The following PPP2R3A variants were observed in gnomAD, a reference collection of about 807,000 sequenced individuals.
PPP2R3A encodes the protein serine/threonine-protein phosphatase 2A regulatory subunit B'' subunit alpha.
Under a neutral mutation model 106.9 loss-of-function variants are expected in PPP2R3A, and 80 were observed. The observed-to-expected ratio is 0.75, with a 90% CI of 0.62 to 0.90. PPP2R3A has a LOEUF of 0.90. Among genes scored for constraint, PPP2R3A ranks in the 40% least tolerant of loss-of-function variants. The pLI is 0.00. For missense variants in PPP2R3A, 1,386 were observed against 1,350.4 expected (o/e 1.03, Z -0.41); for synonymous variants, 483 against 468.3 (o/e 1.03, Z -0.41).
At chr3:136,093,030 C>T (rs887505281) in intron 10 of PPP2R3A, among the ~76,000 whole-genome samples, 43 of 152,272 alleles carry the variant, frequency 2.8e-4, no homozygotes, top group African/African-American at 8.7e-4. Flanking sequence ...TAAATTTTCA[C>T]GACCTTGGCT....
chr3:136,095,242 A>G (rs1937189630), intron 10 of PPP2R3A, among the ~76,000 whole-genome samples: 1 of 152,208 alleles, frequency 6.6e-6, no homozygotes, highest in African/African-American at 2.4e-5. Context: ...AGTTTTTCAC[A>G]TCATGAGATC....
chr3:135,971,074 G>C (rs1337447095), intron 1 of PPP2R3A, among the ~76,000 whole-genome samples: 1 of 152,150 alleles, frequency 6.6e-6, no homozygotes, highest in Non-Finnish European at 1.5e-5. Context: ...ACTTGGCTAT[G>C]TTAGGGAATG....
In PPP2R3A at chr3:136,027,003, A is replaced by C; in HGVS notation, c.2167A>C (p.Ser723Arg). Residue 723 changes from serine to arginine, a missense_variant, in exon 3 of 14, where the codon AGT becomes CGT. By Grantham distance (110) the Ser-to-Arg change is moderately radical. Transcript: ENST00000264977. ...YFPEGLPDTC[S>R]NHEQTLSRIE... is the part of the protein sequence containing the mutation. ...TCCTGAAGGACTCCCAGATACCTGTAGTAATCATGAACAAACTCTAAGCAG... is the reference window on the plus strand; with the variant it reads ...TCCTGAAGGACTCCCAGATACCTGTCGTAATCATGAACAAACTCTAAGCAG... The C allele has an allele frequency of 1.9e-6, 3 of 1,612,490 alleles. No homozygotes were observed. Among genetic ancestry groups the C allele is most frequent in the Non-Finnish European group, 2.5e-6 (3 of 1,178,534 alleles).
chr3:136,014,655 T>A (rs897942471), intron 2 of PPP2R3A, among the ~76,000 whole-genome samples: 7 of 152,212 alleles, frequency 4.6e-5, no homozygotes, highest in African/African-American at 1.4e-4. Flanking sequence ...ATAGCAGTGC[T>A]ACTGATTTGT....
intron 13 of PPP2R3A, among the ~76,000 whole-genome samples, chr3:136,122,261 T>C (rs1049172790): frequency 1.3e-5 from 2 of 152,136 alleles, no homozygotes; most frequent in Non-Finnish European, 2.9e-5. Flanking sequence ...TTTAACGTTA[T>C]GGTGAACTAT....
intron 5 of PPP2R3A, among the ~76,000 whole-genome samples, chr3:136,064,032 G>A (rs1253098270): frequency 2.0e-5 from 3 of 151,568 alleles, no homozygotes; most frequent in Non-Finnish European, 2.9e-5. Flanking sequence ...GTCCAGCAAC[G>A]ATAGACTGGA....
intron 2 of PPP2R3A, among the ~76,000 whole-genome samples, chr3:136,023,669 C>CTTTTTTTAAAGCT (rs1934545902): frequency 6.6e-6 from 1 of 152,032 alleles, no homozygotes; most frequent in Admixed American, 6.6e-5. Context: ...TCCTGGTAAT[C>CTTTTTTTAAAGCT]TTTTTTTAAA....
At chr3:136,014,054 A>G (rs1934188499) in intron 2 of PPP2R3A, among the ~76,000 whole-genome samples, 2 of 152,158 alleles carry the variant, frequency 1.3e-5, no homozygotes, top group South Asian at 4.1e-4. Context: ...ATTCTTCTGC[A>G]TGTGATTTGC....
chr3:136,077,849 TA>T (rs1936646765), intron 6 of PPP2R3A, among the ~76,000 whole-genome samples: 1 of 152,224 alleles, frequency 6.6e-6, no homozygotes, highest in South Asian at 2.1e-4. Flanking sequence ...AGTTAGGATA[TA>T]AATTATCCCA....
chr3:136,070,010 A>G (rs999299467), intron 5 of PPP2R3A, among the ~76,000 whole-genome samples: 2 of 152,254 alleles, frequency 1.3e-5, no homozygotes, highest in African/African-American at 4.8e-5. Flanking sequence ...ACAAAGATTC[A>G]AACTACTTGA....
In PPP2R3A at chr3:136,106,341, G is replaced by A. The variant is rs374907364; in HGVS notation, c.3329+19G>A. ...AGGAAGGGTGAGTAAGTTTCCCTAT[G>A]TCTTATAGAATTTTTAACAGGAATG... is the stretch of plus-strand genomic sequence containing the variant. On this transcript the variant is annotated intron_variant, in intron 13 of 13. Coordinates refer to ENST00000264977, the MANE Select transcript of PPP2R3A (RefSeq NM_002718.5). 8.1e-4 allele frequency: 1,296 copies of A among 1,601,338 alleles called. 12 individuals are homozygous for A. The South Asian group carries it at 0.013, about 16-fold the overall frequency.
intron 2 of PPP2R3A, among the ~76,000 whole-genome samples, chr3:136,008,060 A>G (rs745803584): frequency 2.5e-4 from 38 of 152,358 alleles, no homozygotes; most frequent in African/African-American, 8.9e-4. Context: ...TAGATAGTAT[A>G]GTGTATAGTT....
intron 1 of PPP2R3A, among the ~76,000 whole-genome samples, chr3:135,979,708 C>T (rs371411151): frequency 6.6e-6 from 1 of 151,600 alleles, no homozygotes; most frequent in East Asian, 1.9e-4. Context: ...ATGTCCAAAA[C>T]ATACTGGGCA....
rs953795206 is a variant in PPP2R3A, at chr3:136,146,968, C to T, written c.*1802C>T. On this transcript the variant is annotated 3_prime_UTR_variant, in exon 14 of 14. Transcript: ENST00000264977. ...TAAGATTCACCAAAAAGTAAAAATT[C>T]AATTTTACAATATACATTTTTTTTT... 2 of 151,470 alleles carry T rather than the reference C, an allele frequency of 1.3e-5. No homozygotes were observed. The highest frequency in any genetic ancestry group is 2.9e-5 in the Non-Finnish European group (2 of 67,936). 9.4% of individuals were successfully genotyped at this position (151,470 alleles called of 1,614,324 possible).
chr3:136,063,481 A>C (rs879663824), intron 5 of PPP2R3A, among the ~76,000 whole-genome samples: 25 of 152,364 alleles, frequency 1.6e-4, no homozygotes, highest in Non-Finnish European at 3.1e-4. Flanking sequence ...CAGAGTGAAC[A>C]GGCAACCTAT....
At chr3:136,124,336 C>T (rs934758489) in intron 13 of PPP2R3A, among the ~76,000 whole-genome samples, 9 of 151,930 alleles carry the variant, frequency 5.9e-5, no homozygotes, top group African/African-American at 9.7e-5. Context: ...CAGAATTAGC[C>T]GGGCATGGGG....
At chr3:135,969,610 C>G (rs770614649) in intron 1 of PPP2R3A, among the ~76,000 whole-genome samples, 3 of 152,154 alleles carry the variant, frequency 2.0e-5, no homozygotes, top group Non-Finnish European at 4.4e-5. Context: ...ACTGGAGGCA[C>G]GAATTTTTAG....
intron 9 of PPP2R3A, 31 bp from the exon 10 acceptor site, chr3:136,090,547 A>C (rs1937070571): frequency 1.3e-6 from 2 of 1,562,744 alleles, no homozygotes; most frequent in Admixed American, 1.7e-5. Context: ...GTAATTGCTC[A>C]GGAAATTTTA....
chr3:136,053,323 A>C (rs1164586410), intron 5 of PPP2R3A, among the ~76,000 whole-genome samples: 1 of 152,232 alleles, frequency 6.6e-6, no homozygotes, highest in African/African-American at 2.4e-5. Flanking sequence ...TTAAAATTGT[A>C]AATAAATAGT....
Sources: allele counts gnomAD v4.1 joint callset (sites outside exome capture counted in the v4.1 genomes callset), GRCh38; gene constraint gnomAD v4.1.1; transcripts MANE v1.5; gene names NCBI Gene and HGNC (gene_info 2026-07-23, HGNC 2026-07-21).